TNFSF4: variants seen among roughly 807,000 people sequenced by gnomAD.
The protein encoded by TNFSF4 is tumor necrosis factor ligand superfamily member 4.
Under a neutral mutation model 7.3 loss-of-function variants are expected in TNFSF4, and 4 were observed. The ratio of observed to expected loss-of-function variants is 0.55; its 90% CI spans 0.27 to 1.25. The LOEUF is 1.25. Ranked by LOEUF, TNFSF4 falls within the 50% of genes most tolerant of loss-of-function variation. The pLI, the probability that TNFSF4 is intolerant of heterozygous loss-of-function variation, is 0.12. For synonymous variants in TNFSF4, 76 were observed against 83.7 expected (o/e 0.91, Z 0.50); for missense variants, 181 against 208.8 (o/e 0.87, Z 0.82).
At chr1:173,426,986 G>A in the TNFSF4 span, among the ~76,000 whole-genome samples, 4 of 152,112 alleles carry the variant, frequency 2.6e-5, no homozygotes, top group East Asian at 3.8e-4. Context: ...AAAGAAAAAC[G>A]CCATGCAGGA....
chr1:173,259,638 G>C, the TNFSF4 span, among the ~76,000 whole-genome samples: 1 of 152,176 alleles, frequency 6.6e-6, no homozygotes, highest in Non-Finnish European at 1.5e-5. Context: ...AACCAATTTA[G>C]AGAAAACATA....
chr1:173,260,470 G>A, the TNFSF4 span, among the ~76,000 whole-genome samples: 3 of 152,172 alleles, frequency 2.0e-5, no homozygotes, highest in Non-Finnish European at 4.4e-5. Context: ...CATGATGATA[G>A]GATCAAATCC....
the TNFSF4 span, among the ~76,000 whole-genome samples, chr1:173,233,666 T>G: frequency 6.6e-6 from 1 of 152,232 alleles, no homozygotes; most frequent in Admixed American, 6.5e-5. Flanking sequence ...TTTATTCACA[T>G]AAGTTGCAAC....
At chr1:173,215,612 AAAAC>A in the TNFSF4 span, among the ~76,000 whole-genome samples, 2 of 152,228 alleles carry the variant, frequency 1.3e-5, no homozygotes, top group African/African-American at 2.4e-5. Flanking sequence ...ATGGTGTTGC[AAAAC>A]AAACAAACAA....
At chr1:173,262,250 T>C in the TNFSF4 span, among the ~76,000 whole-genome samples, 1 of 152,214 alleles carries the variant, frequency 6.6e-6, no homozygotes, top group African/African-American at 2.4e-5. Context: ...TCATCATAGA[T>C]GCAGAAAAGG....
At chr1:173,223,138 T>G in the TNFSF4 span, among the ~76,000 whole-genome samples, 4 of 152,214 alleles carry the variant, frequency 2.6e-5, no homozygotes, top group African/African-American at 7.2e-5. Flanking sequence ...ATCTAACTTT[T>G]TTAAGCCTTA....
the TNFSF4 span, among the ~76,000 whole-genome samples, chr1:173,408,480 G>T: frequency 6.6e-6 from 1 of 151,986 alleles, no homozygotes; most frequent in Non-Finnish European, 1.5e-5. Context: ...AATGCAGAAT[G>T]GATAATTAAA....
rs1319963333 is a variant in TNFSF4, at chr1:173,184,498, C to G, written c.*2018G>C. ...CACCTAAGAGAGGGGACCATGACAT[C>G]AAAGACAAACAACACACACAACATA... On this transcript the variant is annotated 3_prime_UTR_variant, in exon 3 of 3. Transcript: ENST00000281834. 3 of 150,996 alleles carry G rather than the reference C, an allele frequency of 2.0e-5. No homozygotes were observed. Among genetic ancestry groups the G allele is most frequent in the Non-Finnish European group, 4.4e-5 (3 of 67,666 alleles). 9.4% of individuals were successfully genotyped at this position (150,996 alleles called of 1,614,324 possible).
At chr1:173,236,041 T>C in the TNFSF4 span, among the ~76,000 whole-genome samples, 2 of 152,222 alleles carry the variant, frequency 1.3e-5, no homozygotes, top group Non-Finnish European at 2.9e-5. Flanking sequence ...TGGTAGGTGC[T>C]ATTGATGCAT....
At chr1:173,324,955 C>T in the TNFSF4 span, among the ~76,000 whole-genome samples, 3 of 152,248 alleles carry the variant, frequency 2.0e-5, no homozygotes, top group East Asian at 1.9e-4. Context: ...GACAGATCAA[C>T]GCAACAGAAA....
chr1:173,413,397 C>CT, the TNFSF4 span, among the ~76,000 whole-genome samples: 3 of 152,184 alleles, frequency 2.0e-5, no homozygotes, highest in Non-Finnish European at 4.4e-5. Context: ...TTTGAGCCTG[C>CT]TTTTAATTGT....
chr1:173,289,794 A>G, the TNFSF4 span, among the ~76,000 whole-genome samples: 8 of 152,176 alleles, frequency 5.3e-5, no homozygotes, highest in African/African-American at 1.9e-4. Context: ...AGAAGAATAC[A>G]TCAGTGAGGT....
At chr1:173,329,162 G>C in the TNFSF4 span, among the ~76,000 whole-genome samples, 1 of 152,184 alleles carries the variant, frequency 6.6e-6, no homozygotes, top group Admixed American at 6.5e-5. Context: ...AAGTACAGCT[G>C]TCCCTAGGTA....
At chr1:173,245,900 G>A in the TNFSF4 span, among the ~76,000 whole-genome samples, 1 of 152,304 alleles carries the variant, frequency 6.6e-6, no homozygotes, top group South Asian at 2.1e-4. Context: ...CATCCATGTT[G>A]CCATGAATGA....
At chr1:173,367,549 G>T in the TNFSF4 span, among the ~76,000 whole-genome samples, 7 of 152,330 alleles carry the variant, frequency 4.6e-5, no homozygotes, top group South Asian at 1.0e-3. Context: ...TGACAGAGGA[G>T]AAGTTGTAGT....
At chr1:173,301,931 A>G in the TNFSF4 span, among the ~76,000 whole-genome samples, 1 of 151,694 alleles carries the variant, frequency 6.6e-6, no homozygotes, top group African/African-American at 2.4e-5. Flanking sequence ...AAAATACCAT[A>G]CAAAAACTAA....
the TNFSF4 span, among the ~76,000 whole-genome samples, chr1:173,422,326 GAAAAA>G: frequency 1.1e-5 from 1 of 89,056 alleles, no homozygotes; most frequent in African/African-American, 4.7e-5. Flanking sequence ...TGCCCAGAGT[GAAAAA>G]AAAAAAAAAA....
upstream of TNFSF4, among the ~76,000 whole-genome samples, chr1:173,210,410 G>A (rs566001691): frequency 6.6e-6 from 1 of 152,286 alleles, no homozygotes; most frequent in East Asian, 1.9e-4. Flanking sequence ...TGGGGCACTG[G>A]GGAGGGGCAG....
the TNFSF4 span, among the ~76,000 whole-genome samples, chr1:173,347,325 T>C: frequency 6.6e-6 from 1 of 152,324 alleles, no homozygotes; most frequent in African/African-American, 2.4e-5. Flanking sequence ...ATATAATTTT[T>C]ATTTAAAGTA....
Sources: allele counts gnomAD v4.1 joint callset (sites outside exome capture counted in the v4.1 genomes callset), GRCh38; gene constraint gnomAD v4.1.1; transcripts MANE v1.5; gene names NCBI Gene and HGNC (gene_info 2026-07-23, HGNC 2026-07-21).